PIEZO2: variants seen among roughly 807,000 people sequenced by gnomAD.
PIEZO2 encodes the protein piezo type mechanosensitive ion channel component 2, also known as piezo-type mechanosensitive ion channel component 2.
In PIEZO2, 172 loss-of-function variants were observed where a neutral mutation model predicts 337.3. The ratio of observed to expected loss-of-function variants is 0.51; its 90% CI spans 0.45 to 0.58. The LOEUF is 0.58. Ranked by LOEUF, PIEZO2 falls within the 20% of genes least tolerant of loss-of-function variation. The pLI, the probability that PIEZO2 is intolerant of heterozygous loss-of-function variation, is 0.00. For missense variants in PIEZO2, 3,028 were observed against 3,391.3 expected, an observed-to-expected ratio of 0.89 and a Z score of 2.66; for synonymous variants, 1,251 against 1,228.5, an observed-to-expected ratio of 1.02 and a Z score of -0.38.
intron 15 of PIEZO2, 85 bp from the exon 16 acceptor site, chr18:10,787,269 G>T (rs1279510467): frequency 1.6e-6 from 2 of 1,228,546 alleles, no homozygotes; most frequent in Non-Finnish European, 2.2e-6. Context: ...ATTCAAGTAA[G>T]ACAAGTGATA....
intron 5 of PIEZO2, among the ~76,000 whole-genome samples, chr18:10,867,722 A>G (rs2144766807): frequency 6.6e-6 from 1 of 152,360 alleles, no homozygotes; most frequent in South Asian, 2.1e-4. Context: ...ATTATATAAG[A>G]TAATGTCAGT....
At chr18:10,704,019 T>C (rs1034467070) in intron 42 of PIEZO2, among the ~76,000 whole-genome samples, 12 of 152,186 alleles carry the variant, frequency 7.9e-5, no homozygotes, top group Non-Finnish European at 1.8e-4. Flanking sequence ...CAGAAGCCTG[T>C]TATCGTCTCA....
At position 10,698,981 on chromosome 18, in the gene PIEZO2, C is replaced by A; in HGVS notation, c.6638G>T (p.Gly2213Val). 2.0e-6 allele frequency: 3 copies of A among 1,536,924 alleles called. No individual in the cohort carries two copies. The highest frequency in any genetic ancestry group is 2.6e-6 in the Non-Finnish European group (3 of 1,146,906). Residue 2213 changes from glycine (G) to valine (V), a missense_variant, in exon 44 of 56, where the codon GGC becomes GTC. Physicochemically the swap from Gly to Val is moderately radical, Grantham distance 109. Transcript: ENST00000674853. ...TCTCTGGGATGGCTCGGAGCTGCTG[C>A]CGGAGCGCTTCCTCCGGACAGCTGT... is the stretch of plus-strand genomic sequence containing the variant. The part of the protein sequence containing the change: ...QQTAVRRKRS[G>V]SSSEPSQRSS...
At chr18:11,145,785 T>C (rs544322044) in intron 1 of PIEZO2, among the ~76,000 whole-genome samples, 1 of 152,296 alleles carries the variant, frequency 6.6e-6, no homozygotes, top group African/African-American at 2.4e-5. Flanking sequence ...GATTAGAAGA[T>C]GTCAATAATT....
chr18:10,763,054 A>G lies in PIEZO2; in HGVS notation c.2991T>C (p.Ala997=), dbSNP rs1247994157. 6.5e-7 allele frequency: 1 copy of G among 1,537,366 alleles called. No homozygotes were observed. Among genetic ancestry groups the G allele is most frequent in the East Asian group, 2.4e-5 (1 of 40,916 alleles). The stretch of plus-strand genomic sequence containing the variant: ...GACGGCGCAGCTTGGCGTACGGCAG[A>G]GCAAAAGCCCAAGAAATCAAAAATA... ...NYVFLISWAF[A]LPYAKLRRLA... Residue 997 remains alanine, a synonymous_variant, in exon 22 of 56, where the codon GCT becomes GCC. Transcript: ENST00000674853.
At chr18:11,065,795 C>T (rs949801459) in intron 2 of PIEZO2, among the ~76,000 whole-genome samples, 2 of 152,126 alleles carry the variant, frequency 1.3e-5, no homozygotes, top group African/African-American at 4.8e-5. Context: ...AATGTATGTA[C>T]CAATGTTGTC....
chr18:10,708,921 G>C (rs768366728), intron 39 of PIEZO2, among the ~76,000 whole-genome samples: 2 of 151,800 alleles, frequency 1.3e-5, no homozygotes, highest in Non-Finnish European at 2.9e-5. Flanking sequence ...TTTTTAACAC[G>C]GTCTTCAGAA....
At chr18:11,029,578 T>C (rs1408640659) in intron 2 of PIEZO2, among the ~76,000 whole-genome samples, 1 of 152,182 alleles carries the variant, frequency 6.6e-6, no homozygotes, top group African/African-American at 2.4e-5. Context: ...GGTTCTCCAC[T>C]CTACTTAGAG....
intron 3 of PIEZO2, among the ~76,000 whole-genome samples, chr18:10,918,487 A>C (rs1229962323): frequency 6.6e-6 from 1 of 152,034 alleles, no homozygotes; most frequent in Non-Finnish European, 1.5e-5. Context: ...ATAATGTCTT[A>C]ATATTTTGTC....
At position 10,748,435 on chromosome 18, in the gene PIEZO2, C is replaced by T. The variant is rs2037511637; in HGVS notation, c.4424+36G>A. On this transcript the variant is annotated intron_variant, in intron 30 of 55. Coordinates refer to ENST00000674853, the MANE Select transcript of PIEZO2 (RefSeq NM_001378183.1). The surrounding 1 kb of genome is among the most constrained non-coding windows in gnomAD (Gnocchi z 5.1). ...TGCAATATTATTTCAGGCAAGTTTC[C>T]TGGGAGAAACCACCTGATTTCATGG... 6.5e-7 allele frequency: 1 copy of T among 1,531,358 alleles called. No individual in the cohort carries two copies. Among genetic ancestry groups the T allele is most frequent in the African/African-American group, 1.4e-5 (1 of 72,710 alleles). 94.9% of individuals were successfully genotyped at this position (1,531,358 alleles called of 1,614,324 possible).
intron 2 of PIEZO2, among the ~76,000 whole-genome samples, chr18:11,011,085 A>G (rs1475221019): frequency 6.6e-6 from 1 of 152,236 alleles, no homozygotes; most frequent in Non-Finnish European, 1.5e-5. Flanking sequence ...AATTTGTTAC[A>G]ATCCAATCCT....
chr18:11,075,039 TAA>T (rs777757462), intron 1 of PIEZO2, among the ~76,000 whole-genome samples: 1 of 145,432 alleles, frequency 6.9e-6, no homozygotes, highest in Non-Finnish European at 1.5e-5. Flanking sequence ...CCATTTCTAC[TAA>T]GTGTGTTTTA....
intron 2 of PIEZO2, among the ~76,000 whole-genome samples, chr18:11,054,836 G>C (rs889854820): frequency 1.3e-5 from 2 of 152,162 alleles, no homozygotes; most frequent in South Asian, 2.1e-4. Context: ...GATGATCCTG[G>C]GGTGTGGGGG....
At chr18:11,071,558 T>C (rs1263038219) in intron 1 of PIEZO2, among the ~76,000 whole-genome samples, 1 of 152,026 alleles carries the variant, frequency 6.6e-6, no homozygotes, top group African/African-American at 2.4e-5. Flanking sequence ...ATGTGGTATG[T>C]TGGAAAGGAA....
chr18:10,698,811 T>C, intron 44 of PIEZO2, 114 bp downstream of exon 44: 3 of 1,312,716 alleles, frequency 2.3e-6, no homozygotes, highest in Non-Finnish European at 3.1e-6. Context: ...CACATAACAA[T>C]GTCTGTCTCT....
chr18:10,792,352 G>A (rs923065447), intron 13 of PIEZO2, among the ~76,000 whole-genome samples: 1 of 152,114 alleles, frequency 6.6e-6, no homozygotes, highest in Non-Finnish European at 1.5e-5. Context: ...GTATATTCAC[G>A]GAGTTGTGCA....
chr18:10,716,903 TG>T lies in PIEZO2; in HGVS notation c.5090-1088del, dbSNP rs2036032543. Among the ~76,000 whole-genome samples, 1 of 152,148 alleles carries T rather than the reference TG, an allele frequency of 6.6e-6. No individual in the cohort carries two copies. Among genetic ancestry groups the T allele is most frequent in the African/African-American group, 2.4e-5 (1 of 41,434 alleles). On this transcript the variant is annotated intron_variant, in intron 37 of 55. Transcript: ENST00000674853. This position sits in a 1 kb window ranked among gnomAD's most constrained non-coding sequence, Gnocchi z 4.1. ...TTATTACGGCGTGGTTTTGCTACAG[TG>T]GGCCTGATTGTAAGGCTGCAGCCAC...
In PIEZO2 at chr18:10,707,851, G is replaced by C. The variant is rs1412476853; in HGVS notation, c.5588+424C>G. 1.3e-5 allele frequency among the ~76,000 whole-genome samples: 2 copies of C among 152,130 alleles called. No homozygotes were observed. The highest frequency in any genetic ancestry group is 1.9e-4 in the East Asian group (1 of 5,190). ...AATGACTACCTATGATAGATTTTTA[G>C]ATTTTTTTCCTACTGCATGCATCTT... On this transcript the variant is annotated intron_variant, in intron 40 of 55. Coordinates refer to ENST00000674853, the MANE Select transcript of PIEZO2 (RefSeq NM_001378183.1). The surrounding 1 kb of genome is among the most constrained non-coding windows in gnomAD (Gnocchi z 4.2).
intron 2 of PIEZO2, among the ~76,000 whole-genome samples, chr18:11,039,989 C>G (rs1016736088): frequency 6.6e-6 from 1 of 152,148 alleles, no homozygotes; most frequent in African/African-American, 2.4e-5. Context: ...GTTGGAACAG[C>G]CTTGGATAAA....
Sources: allele counts gnomAD v4.1 joint callset (sites outside exome capture counted in the v4.1 genomes callset), GRCh38; gene constraint gnomAD v4.1.1; non-coding constraint Gnocchi (gnomAD v3.1); transcripts MANE v1.5; gene names NCBI Gene and HGNC (gene_info 2026-07-23, HGNC 2026-07-21).